Variants in KNDC1 observed in about 807,000 individuals in gnomAD.
The protein encoded by KNDC1 is kinase non-catalytic C-lobe domain-containing protein 1.
In KNDC1, 106 loss-of-function variants were observed where a neutral mutation model predicts 172.8. The observed-to-expected ratio is 0.61, with a 90% CI of 0.52 to 0.72. KNDC1 has a LOEUF of 0.72. Among genes scored for constraint, KNDC1 ranks in the 30% least tolerant of loss-of-function variants. The pLI is 0.00. For synonymous variants in KNDC1, 1,083 were observed against 1,062.2 expected (o/e 1.02, Z -0.38); for missense variants, 2,325 against 2,394.5 (o/e 0.97, Z 0.61).
chr10:133,182,112 CAGAG>C lies in KNDC1; in HGVS notation c.361-1229_361-1226del, dbSNP rs1403771258. ...AGCCTGACCCTGAGACAGACCCTGA[CAGAG>C]AGGGGGAGTCGGCCAGGATGACCAG... On this transcript the variant is annotated intron_variant, in intron 3 of 29. Transcript: ENST00000304613. Among the ~76,000 whole-genome samples the C allele has an allele frequency of 5.9e-5, 9 of 152,120 alleles. No homozygotes were observed. The South Asian group carries it at 1.4e-3, about 25-fold the overall frequency.
Position 133,160,404 on chromosome 10 carries a change from G to T in KNDC1, c.-64G>T. On this transcript the variant is annotated 5_prime_UTR_variant, in exon 1 of 30. Coordinates refer to ENST00000304613, the MANE Select transcript of KNDC1 (RefSeq NM_152643.8). ...GCGCGTCTCCATGGAGCCAGGGCGC[G>T]CGTAGCCGAGCCCAGCCCAGCCCAG... The T allele has an allele frequency of 1.0e-6, 1 of 1,004,968 alleles. No homozygotes were observed. Among genetic ancestry groups the T allele is most frequent in the South Asian group, 2.9e-5 (1 of 34,186 alleles). 62.3% of individuals were successfully genotyped at this position (1,004,968 alleles called of 1,614,324 possible). A position where few individuals can be genotyped will look rare whatever the true frequency, so the allele number is the denominator to read the frequency against.
At chr10:133,218,399 T>A (rs535031770) in intron 26 of KNDC1, among the ~76,000 whole-genome samples, 57 of 152,060 alleles carry the variant, frequency 3.7e-4, no homozygotes, top group Admixed American at 7.8e-4. Flanking sequence ...ACCCAAACAC[T>A]CCTGCCACGG....
intron 1 of KNDC1, among the ~76,000 whole-genome samples, chr10:133,162,562 T>C (rs1343930986): frequency 1.3e-5 from 2 of 152,236 alleles, no homozygotes; most frequent in African/African-American, 4.8e-5. Context: ...GTCCCTCCCT[T>C]GACATGGTCC....
Position 133,224,936 on chromosome 10 carries a change from G to A in KNDC1, c.*46G>A, listed in dbSNP as rs547715900. The A allele has an allele frequency of 1.5e-5, 23 of 1,496,232 alleles. No homozygotes were observed. Among genetic ancestry groups the A allele is most frequent in the Admixed American group, 3.5e-5 (2 of 57,612 alleles). The allele number at this position is 1,496,232 out of a possible 1,614,324, so 92.7% of individuals were successfully genotyped here. ...GAATTCCAGATCCGAATCCGACTGT[G>A]GGGGGCGGGCTGGGAGGTGGGAGCC... is the stretch of plus-strand genomic sequence containing the variant. On this transcript the variant is annotated 3_prime_UTR_variant, in exon 30 of 30. Coordinates refer to ENST00000304613, the MANE Select transcript of KNDC1 (RefSeq NM_152643.8). This position sits in a 1 kb window ranked among gnomAD's most constrained non-coding sequence, Gnocchi z 5.4.
chr10:133,183,098 G>A (rs1853772685), intron 3 of KNDC1, among the ~76,000 whole-genome samples: 1 of 150,236 alleles, frequency 6.7e-6, no homozygotes. Context: ...TGTGGACGTG[G>A]GTGGCGGCAG....
chr10:133,188,861 G>C (rs187208265), intron 7 of KNDC1, among the ~76,000 whole-genome samples: 1 of 151,832 alleles, frequency 6.6e-6, no homozygotes, highest in Non-Finnish European at 1.5e-5. Flanking sequence ...TCCGGTGAAC[G>C]GAACAGGCGG....
intron 9 of KNDC1, among the ~76,000 whole-genome samples, chr10:133,190,907 G>A (rs1854057032): frequency 6.6e-6 from 1 of 152,220 alleles, no homozygotes; most frequent in African/African-American, 2.4e-5. Flanking sequence ...TGTGCACTGT[G>A]TGTGTTCCTG....
In KNDC1 at chr10:133,189,891, C is replaced by T. The variant is rs545996851; in HGVS notation, c.1575+78C>T. 14 of 1,227,222 alleles carry T rather than the reference C, an allele frequency of 1.1e-5. No homozygotes were observed. The South Asian group carries it at 1.5e-4, about 13-fold the overall frequency. 76.0% of individuals were successfully genotyped at this position (1,227,222 alleles called of 1,614,324 possible). A position where few individuals can be genotyped will look rare whatever the true frequency, so the allele number is the denominator to read the frequency against. ...GCCACGTCCCCCATCTGTCCAGCAG[C>T]CCCCCATCAGGACTCGAGGGAGTCA... On this transcript the variant is annotated intron_variant, in intron 9 of 29. Transcript: ENST00000304613.
rs374072996 is a variant in KNDC1 at position 133,163,084 on chromosome 10, G to A, written c.102+2515G>A. The stretch of plus-strand genomic sequence containing the variant: ...CATGAGATTTCAGTCACTGTGGATG[G>A]GGGTATGGGATCTGAGGCAGAACAG... On this transcript the variant is annotated intron_variant, in intron 1 of 29. Transcript: ENST00000304613. The surrounding 1 kb of genome is among the most constrained non-coding windows in gnomAD (Gnocchi z 4.4). Among the ~76,000 whole-genome samples the A allele has an allele frequency of 2.0e-5, 3 of 152,206 alleles. No homozygotes were observed. The highest frequency in any genetic ancestry group is 2.9e-5 in the Non-Finnish European group (2 of 68,034).
intron 2 of KNDC1, 109 bp downstream of exon 2, chr10:133,167,688 G>A (rs756356663): frequency 8.6e-5 from 106 of 1,237,082 alleles, no homozygotes; most frequent in Non-Finnish European, 1.0e-4. Flanking sequence ...GAGCATGCCC[G>A]GACCCGGGTT....
At chr10:133,199,635 C>G in intron 15 of KNDC1, 33 bp downstream of exon 15, 1 of 1,607,496 alleles carries the variant, frequency 6.2e-7, no homozygotes, top group African/African-American at 1.3e-5. Context: ...CATTCCCGCC[C>G]CTCCCTGATG....
intron 29 of KNDC1, among the ~76,000 whole-genome samples, chr10:133,222,365 G>A (rs1214478964): frequency 6.6e-6 from 1 of 152,134 alleles, no homozygotes; most frequent in Non-Finnish European, 1.5e-5. Flanking sequence ...CAGCGTCCAC[G>A]TGCGTATGTG....
At position 133,209,248 on chromosome 10, in the gene KNDC1, GGT is replaced by G. The variant is rs1190784418; in HGVS notation, c.3795-1357_3795-1356del. Among the ~76,000 whole-genome samples, 1 of 149,938 alleles carries G rather than the reference GGT, an allele frequency of 6.7e-6. No individual in the cohort carries two copies. Among genetic ancestry groups the G allele is most frequent in the East Asian group, 2.0e-4 (1 of 5,012 alleles). On this transcript the variant is annotated intron_variant, in intron 20 of 29. Transcript: ENST00000304613. The surrounding 1 kb of genome is among the most constrained non-coding windows in gnomAD (Gnocchi z 4.9). ...TTGTGTGGTGCGTATGCACATGTGT[GGT>G]GTGTGGTATGCGGTAGTGTGTGTGT...
chr10:133,178,481 G>C (rs1853622432), intron 3 of KNDC1, among the ~76,000 whole-genome samples: 1 of 152,170 alleles, frequency 6.6e-6, no homozygotes, highest in African/African-American at 2.4e-5. Context: ...TACCCGAAAA[G>C]ATCAGGCCCC....
In KNDC1 at chr10:133,188,744, C is replaced by A. The variant is rs1326414623; in HGVS notation, c.1441+91C>A. The A allele has an allele frequency of 6.8e-5, 39 of 573,950 alleles. No individual in the cohort carries two copies. The East Asian group carries it at 1.1e-3, about 17-fold the overall frequency. 35.6% of individuals were successfully genotyped at this position (573,950 alleles called of 1,614,324 possible). ...GCCGTCCCACACCCCCGCCGTCCCA[C>A]CCCCCACACCGTCCCACGCCCCCCC... On this transcript the variant is annotated intron_variant, in intron 7 of 29. Coordinates refer to ENST00000304613, the MANE Select transcript of KNDC1 (RefSeq NM_152643.8).
At chr10:133,160,951 G>T (rs1332247147) in intron 1 of KNDC1, among the ~76,000 whole-genome samples, 1 of 152,022 alleles carries the variant, frequency 6.6e-6, no homozygotes, top group African/African-American at 2.4e-5. Context: ...AGGAGCTGGG[G>T]GATGAGGTCC....
chr10:133,174,909 G>A (rs1409198407), intron 3 of KNDC1, among the ~76,000 whole-genome samples: 2 of 150,894 alleles, frequency 1.3e-5, no homozygotes, highest in Non-Finnish European at 3.0e-5. Flanking sequence ...GAATGGATAG[G>A]TGGATGTGTG....
At chr10:133,170,772 C>CA (rs1853352104) in intron 3 of KNDC1, among the ~76,000 whole-genome samples, 1 of 152,124 alleles carries the variant, frequency 6.6e-6, no homozygotes, top group East Asian at 1.9e-4. Flanking sequence ...TTGTGGAAAA[C>CA]GCCTGGATTT....
chr10:133,168,862 G>A (rs1853275287), intron 3 of KNDC1, among the ~76,000 whole-genome samples: 1 of 152,206 alleles, frequency 6.6e-6, no homozygotes, highest in Non-Finnish European at 1.5e-5. Flanking sequence ...GCAGACTCCA[G>A]TGCAGCCCCT....
Sources: allele counts gnomAD v4.1 joint callset (sites outside exome capture counted in the v4.1 genomes callset), GRCh38; gene constraint gnomAD v4.1.1; non-coding constraint Gnocchi (gnomAD v3.1); transcripts MANE v1.5; gene names NCBI Gene and HGNC (gene_info 2026-07-23, HGNC 2026-07-21).